Variants in EP300 observed in about 807,000 individuals in gnomAD.
The protein encoded by EP300 is EP300 lysine acetyltransferase.
Under a neutral mutation model 264.0 loss-of-function variants are expected in EP300, and 31 were observed. That is an observed-to-expected ratio of 0.12 (90% CI 0.09 to 0.16). The LOEUF (loss-of-function observed/expected upper bound fraction) is 0.16. EP300 is among the 10% of genes least tolerant of loss of function. EP300 has a pLI of 1.00. For synonymous variants in EP300, 1,340 were observed against 1,045.4 expected (o/e 1.28, Z -5.44); for missense variants, 2,766 against 3,052.9 (o/e 0.91, Z 2.21).
chr22:41,169,594 T>A lies in EP300; in HGVS notation c.4264T>A (p.Leu1422Ile), dbSNP rs780779983. The A allele has an allele frequency of 6.2e-7, 1 of 1,602,616 alleles. No individual in the cohort carries two copies. The highest frequency in any genetic ancestry group is 1.1e-5 in the South Asian group (1 of 90,808). Residue 1422 changes from leucine (L) to isoleucine (I), a missense_variant, in exon 26 of 31, where the codon TTA becomes ATA. By Grantham distance (5) the Leu-to-Ile change is conservative (BLOSUM62 2). Coordinates refer to ENST00000263253, the MANE Select transcript of EP300 (RefSeq NM_001429.4). ...AVYHEILIGY[L>I]EYVKKLGYTT... ...CTATCATGAAATCCTAATTGGATATTTAGAATATGTCAAGAAATTAGGGTA... is the reference window on the plus strand; with the variant it reads ...CTATCATGAAATCCTAATTGGATATATAGAATATGTCAAGAAATTAGGGTA...
intron 2 of EP300, among the ~76,000 whole-genome samples, chr22:41,124,743 C>T (rs1017952163): frequency 5.3e-5 from 8 of 151,918 alleles, no homozygotes; most frequent in East Asian, 1.9e-4. Flanking sequence ...TCATGTGTGA[C>T]GTAATGGAAA....
chr22:41,094,169 G>A (rs561190696), intron 1 of EP300, among the ~76,000 whole-genome samples: 1 of 152,230 alleles, frequency 6.6e-6, no homozygotes, highest in South Asian at 2.1e-4. Flanking sequence ...TCTTTGCTGG[G>A]ATAATGAAGA....
At chr22:41,132,085 A>T (rs980300154) in intron 6 of EP300, among the ~76,000 whole-genome samples, 2 of 151,482 alleles carry the variant, frequency 1.3e-5, no homozygotes, top group Non-Finnish European at 2.9e-5. Context: ...AATCCTAGCT[A>T]CACGAGAGGC....
chr22:41,174,586 T>TTTTTTCTCTCTTTA lies in EP300; in HGVS notation c.4779+803_4779+816dup, dbSNP rs1226509785. ...TGGGAAAATAACTGGGTAAGGTTTT[T>TTTTTTCTCTCTTTA]TTTTTCTCTCTTTAATATCATATAA... is the stretch of plus-strand genomic sequence containing the variant. On this transcript the variant is annotated intron_variant, in intron 29 of 30. Transcript: ENST00000263253. The TTTTTTCTCTCTTTA allele has an allele frequency of 2.0e-5, 3 of 152,244 alleles. No individual in the cohort carries two copies. The East Asian group carries it at 5.8e-4, about 29-fold the overall frequency. 9.4% of individuals were successfully genotyped at this position (152,244 alleles called of 1,614,324 possible). A position where few individuals can be genotyped will look rare whatever the true frequency, so the allele number is the denominator to read the frequency against.
At chr22:41,157,494 C>G (rs2145748203) in intron 18 of EP300, 86 bp downstream of exon 18, 7 of 937,938 alleles carry the variant, frequency 7.5e-6, no homozygotes, top group Non-Finnish European at 1.1e-5. Flanking sequence ...GAATATCCTG[C>G]TTCTGGCTTT....
At chr22:41,095,372 C>T (rs1303936190) in intron 1 of EP300, among the ~76,000 whole-genome samples, 2 of 150,798 alleles carry the variant, frequency 1.3e-5, no homozygotes, top group African/African-American at 4.9e-5. Context: ...GCTAGGACTA[C>T]AGGCGCAGAC....
At chr22:41,162,805 A>G in intron 21 of EP300, 26 bp downstream of exon 21, 1 of 1,597,712 alleles carries the variant, frequency 6.3e-7, no homozygotes, top group Middle Eastern at 1.7e-4. Flanking sequence ...TTGAATAGTC[A>G]GTACGCTTTG....
rs6002271 is a variant in EP300 at position 41,170,591 on chromosome 22, C to T, written c.4452+20C>T. On this transcript the variant is annotated intron_variant, in intron 27 of 30. Coordinates refer to ENST00000263253, the MANE Select transcript of EP300 (RefSeq NM_001429.4). ...TACAAGGTCAGTTGGGACATAGGGG[C>T]CAGGTGCTGACAATAGATCTGGAAA... is the stretch of plus-strand genomic sequence containing the variant. 0.29 allele frequency: 460,370 copies of T among 1,609,458 alleles called. 71,782 individuals carry two copies. The highest frequency in any genetic ancestry group is 0.54 in the Admixed American group (32,342 of 59,810).
intron 29 of EP300, 191 bp from the exon 30 acceptor site, chr22:41,176,056 C>CA (rs1459680546): frequency 3.5e-5 from 23 of 656,582 alleles, no homozygotes; most frequent in Non-Finnish European, 4.7e-5. Flanking sequence ...CTCGTCTCTA[C>CA]AAAAAATGCA....
chr22:41,167,582 G>A (rs113472363), intron 23 of EP300, among the ~76,000 whole-genome samples: 146 of 21,454 alleles, frequency 6.8e-3, no homozygotes, highest in African/African-American at 0.02. Flanking sequence ...GTGTGTGTGT[G>A]TGTATATATA....
At position 41,176,769 on chromosome 22, in the gene EP300, C is replaced by G. The variant is rs1489632053; in HGVS notation, c.5062-4C>G. Reference sequence around the variant, plus strand: ...TTTACGTGCACCTCCTGTTTTTTCCCTAGGATTATGACTTGTGTATCACCT... The same window carrying G: ...TTTACGTGCACCTCCTGTTTTTTCCGTAGGATTATGACTTGTGTATCACCT... On this transcript the variant is annotated splice_region_variant and splice_polypyrimidine_tract_variant and intron_variant, in intron 30 of 30. Transcript: ENST00000263253. 1.2e-6 allele frequency: 2 copies of G among 1,613,878 alleles called. No individual in the cohort carries two copies. Among genetic ancestry groups the G allele is most frequent in the East Asian group, 2.2e-5 (1 of 44,886 alleles).
In EP300 at chr22:41,147,934, A is replaced by C; in HGVS notation, c.2229A>C (p.Gly743=). 1 of 1,607,846 alleles carries C rather than the reference A, an allele frequency of 6.2e-7. No homozygotes were observed. Among genetic ancestry groups the C allele is most frequent in the East Asian group, 2.2e-5 (1 of 44,774 alleles). ...LQHHGQLAQP[G]ALNPPMGYGP... is the part of the protein sequence containing the mutation. ...ACCATGGACAGTTGGCTCAACCTGG[A>C]GCTCTCAACCCGGTTAGTTTGACGT... is the stretch of plus-strand genomic sequence containing the variant. Residue 743 remains glycine (G), a synonymous_variant, in exon 12 of 31, where the codon GGA becomes GGC. Coordinates refer to ENST00000263253, the MANE Select transcript of EP300 (RefSeq NM_001429.4).
chr22:41,098,968 T>C (rs963364940), intron 1 of EP300, among the ~76,000 whole-genome samples: 2 of 152,202 alleles, frequency 1.3e-5, no homozygotes, highest in African/African-American at 4.8e-5. Context: ...CTTAGGACTA[T>C]GCTTGCTTCT....
chr22:41,113,763 G>A (rs2058806615), intron 1 of EP300, among the ~76,000 whole-genome samples: 1 of 152,170 alleles, frequency 6.6e-6, no homozygotes, highest in Non-Finnish European at 1.5e-5. Flanking sequence ...ATCCAGGATG[G>A]TCTCGATCTC....
chr22:41,170,879 G>A (rs1320653395), intron 27 of EP300, among the ~76,000 whole-genome samples: 2 of 150,908 alleles, frequency 1.3e-5, no homozygotes, highest in African/African-American at 4.9e-5. Context: ...TAGCCAGGAT[G>A]GTCTCGATCT....
In EP300 at chr22:41,179,296, T is replaced by A. The variant is rs920860918; in HGVS notation, c.*340T>A. On this transcript the variant is annotated 3_prime_UTR_variant, in exon 31 of 31. Transcript: ENST00000263253. ...CTCCAATAGGTTTTATTATTTTTTT[T>A]AAATTAATGAACATATGTAATATTA... 30 of 293,530 alleles carry A rather than the reference T, an allele frequency of 1.0e-4. No individual in the cohort carries two copies. Among genetic ancestry groups the A allele is most frequent in the East Asian group, 3.6e-4 (7 of 19,668 alleles). The allele number at this position is 293,530 out of a possible 1,614,324, so 18.2% of individuals were successfully genotyped here.
chr22:41,115,467 C>CT (rs2058815847), intron 1 of EP300, among the ~76,000 whole-genome samples: 2 of 152,326 alleles, frequency 1.3e-5, no homozygotes, highest in African/African-American at 4.8e-5. Context: ...GGATCTTGCT[C>CT]TGTCACCCAG....
chr22:41,109,668 C>T lies in EP300; in HGVS notation c.95-7519C>T, dbSNP rs150545680. 3.4e-4 allele frequency among the ~76,000 whole-genome samples: 52 copies of T among 151,946 alleles called. 4 individuals are homozygous for T. In the East Asian group the frequency reaches 0.01, roughly 29 times the overall value. Reference sequence around the variant, plus strand: ...TTAATCACAAATAACATGAAGTAGGCACTTTGCTGTTATGCAGAGATGGAA... The same window carrying T: ...TTAATCACAAATAACATGAAGTAGGTACTTTGCTGTTATGCAGAGATGGAA... On this transcript the variant is annotated intron_variant, in intron 1 of 30. Transcript: ENST00000263253.
chr22:41,146,604 A>G (rs1227346559), intron 10 of EP300, 135 bp from the exon 11 acceptor site: 4 of 768,440 alleles, frequency 5.2e-6, no homozygotes, highest in Non-Finnish European at 6.8e-6. Context: ...TCTAGTTCAG[A>G]GCTTTATTTT....
Sources: allele counts gnomAD v4.1 joint callset (sites outside exome capture counted in the v4.1 genomes callset), GRCh38; gene constraint gnomAD v4.1.1; transcripts MANE v1.5; gene names NCBI Gene and HGNC (gene_info 2026-07-23, HGNC 2026-07-21).